ANKRD34C: variants seen among roughly 807,000 people sequenced by gnomAD.
The protein encoded by ANKRD34C is ankyrin repeat domain 34C.
For missense variants in ANKRD34C, 563 were observed against 653.0 expected (o/e 0.86, Z 1.50); for synonymous variants, 260 against 253.6 (o/e 1.03, Z -0.24).
chr15:79,282,906 A>C lies in ANKRD34C; in HGVS notation c.-367A>C, dbSNP rs1042322686. 3.3e-5 allele frequency among the ~76,000 whole-genome samples: 5 copies of C among 152,214 alleles called. No individual in the cohort carries two copies. Among genetic ancestry groups the C allele is most frequent in the Admixed American group, 6.5e-5 (1 of 15,290 alleles). ...TCTTTCATGCTTCTTTCTTTTTCTT[A>C]AAACCAAACCAAACCAAACCAAACC... is the stretch of plus-strand genomic sequence containing the variant. On this transcript the variant is annotated 5_prime_UTR_variant, in exon 1 of 2. The change abolishes the stop of an existing upstream ORF in the 5' untranslated region. Transcript: ENST00000421388.
rs1215392366 is a variant in ANKRD34C, at chr15:79,293,908, C to T, written c.624C>T (p.Asp208=). 3 of 1,551,652 alleles carry T rather than the reference C, an allele frequency of 1.9e-6. No individual in the cohort carries two copies. Among genetic ancestry groups the T allele is most frequent in the Non-Finnish European group, 2.6e-6 (3 of 1,146,970 alleles). Residue 208 remains aspartate, a synonymous_variant, in exon 2 of 2, where the codon GAC becomes GAT. Coordinates refer to ENST00000421388, the MANE Select transcript of ANKRD34C (RefSeq NM_001146341.2). ...LDSPLTEKED[D]FFSLQAGHPS... is the part of the protein sequence containing the mutation. ...CTCCACTCACTGAGAAGGAAGATGA[C>T]TTCTTCAGCCTCCAAGCAGGGCATC... is the stretch of plus-strand genomic sequence containing the variant.
At chr15:79,290,070 G>A (rs1402853009) in intron 1 of ANKRD34C, among the ~76,000 whole-genome samples, 1 of 151,912 alleles carries the variant, frequency 6.6e-6, no homozygotes, top group Non-Finnish European at 1.5e-5. Flanking sequence ...TCTCACCCAG[G>A]CTGGAGTGCA....
intron 1 of ANKRD34C, among the ~76,000 whole-genome samples, chr15:79,288,836 T>C (rs76451280): frequency 1.4e-5 from 2 of 147,784 alleles, no homozygotes; most frequent in South Asian, 4.4e-4. Context: ...TTTTTTTTTT[T>C]TGAGTTGGAG....
rs1171425038 is a variant in ANKRD34C at position 79,294,636 on chromosome 15, T to C, written c.1352T>C (p.Leu451Pro). 2 of 1,551,724 alleles carry C rather than the reference T, an allele frequency of 1.3e-6. No individual in the cohort carries two copies. Among genetic ancestry groups the C allele is most frequent in the East Asian group, 4.9e-5 (2 of 40,922 alleles). ...LLERRGSGTL[L>P]LDRISHTRPG... is the part of the protein sequence containing the mutation. ...GAACGACGAGGTTCTGGAACTCTGC[T>C]CCTTGATCGCATTTCTCACACTAGG... Residue 451 changes from leucine (L) to proline (P), a missense_variant, in exon 2 of 2, where the codon CTC (leucine) becomes CCC (proline). By Grantham distance (98) the Leu-to-Pro change is moderately conservative. Coordinates refer to ENST00000421388, the MANE Select transcript of ANKRD34C (RefSeq NM_001146341.2).
Position 79,296,813 on chromosome 15 carries a change from C to G in ANKRD34C, c.*1921C>G, listed in dbSNP as rs1457901988. 6.0e-6 allele frequency: 1 copy of G among 167,086 alleles called. No homozygotes were observed. The allele number at this position is 167,086 out of a possible 1,614,324, so 10.4% of individuals were successfully genotyped here. ...AATGTCTCTAGACGTGGCCAGATGTCTCCTGGGTGCATCACCTTCGTTGAT... is the reference window on the plus strand; with the variant it reads ...AATGTCTCTAGACGTGGCCAGATGTGTCCTGGGTGCATCACCTTCGTTGAT... On this transcript the variant is annotated 3_prime_UTR_variant, in exon 2 of 2. Transcript: ENST00000421388.
rs2058676218 is a variant in ANKRD34C at position 79,297,941 on chromosome 15, A to T, written c.*3049A>T. Reference sequence around the variant, plus strand: ...TGTGAGACTAAAGTTTAAAGTCTGGACCTTTGGTTTAATTTCTAGACTTTC... The same window carrying T: ...TGTGAGACTAAAGTTTAAAGTCTGGTCCTTTGGTTTAATTTCTAGACTTTC... On this transcript the variant is annotated 3_prime_UTR_variant, in exon 2 of 2. Transcript: ENST00000421388. The T allele has an allele frequency of 6.0e-6, 1 of 166,146 alleles. No individual in the cohort carries two copies. Among genetic ancestry groups the T allele is most frequent in the Admixed American group, 6.6e-5 (1 of 15,254 alleles). 10.3% of individuals were successfully genotyped at this position (166,146 alleles called of 1,614,324 possible). A position where few individuals can be genotyped will look rare whatever the true frequency, so the allele number is the denominator to read the frequency against.
chr15:79,292,882 T>C (rs1177604694), intron 1 of ANKRD34C, among the ~76,000 whole-genome samples: 1 of 152,258 alleles, frequency 6.6e-6, no homozygotes, highest in African/African-American at 2.4e-5. Flanking sequence ...CTAAGGAATG[T>C]AGAGTTCTAC....
rs2058663962 is a variant in ANKRD34C, at chr15:79,293,228, C to A, written c.-44-13C>A. ...AAACATATAACATTTGTTCCCTCTTCTTCCTTTGCTAGGTTTGATTGCTAC... is the reference window on the plus strand; with the variant it reads ...AAACATATAACATTTGTTCCCTCTTATTCCTTTGCTAGGTTTGATTGCTAC... On this transcript the variant is annotated splice_polypyrimidine_tract_variant and intron_variant, in intron 1 of 1. Transcript: ENST00000421388. 1.3e-5 allele frequency: 19 copies of A among 1,436,038 alleles called. No individual in the cohort carries two copies. The South Asian group carries it at 2.8e-4, about 21-fold the overall frequency. 89.0% of individuals were successfully genotyped at this position (1,436,038 alleles called of 1,614,324 possible).
intron 1 of ANKRD34C, among the ~76,000 whole-genome samples, chr15:79,291,591 CACACACACACAGAG>C (rs1243881658): frequency 1.6e-3 from 194 of 119,056 alleles, no homozygotes; most frequent in South Asian, 2.7e-3. Flanking sequence ...CACACACACA[CACACACACACAGAG>C]AGAGAGAGAG....
In ANKRD34C at chr15:79,294,583, A is replaced by C. The variant is rs2058667893; in HGVS notation, c.1299A>C (p.Ser433=). The change falls in exon 2 of 2, where the codon TCA becomes TCC. Residue 433 remains serine (S), a synonymous_variant. Transcript: ENST00000421388. ...CTGTACCTAGCACATCCCCCAGCTC[A>C]GCACGCCGCAGGCCGCCACATCTTC... is the stretch of plus-strand genomic sequence containing the variant. ...LDTVPSTSPS[S]ARRRPPHLLE... 6.4e-7 allele frequency: 1 copy of C among 1,551,588 alleles called. No individual in the cohort carries two copies. Among genetic ancestry groups the C allele is most frequent in the Non-Finnish European group, 8.7e-7 (1 of 1,146,904 alleles).
chr15:79,294,455 CCCAACT>C lies in ANKRD34C; in HGVS notation c.1175_1180del (p.Asn392_Ser393del), dbSNP rs2058667523. 2 of 1,551,708 alleles carry C rather than the reference CCCAACT, an allele frequency of 1.3e-6. No individual in the cohort carries two copies. Among genetic ancestry groups the C allele is most frequent in the African/African-American group, 1.4e-5 (1 of 73,178 alleles). ...AGATATACAGCCAGGGCCTGACCCT[CCCAACT>C]CCATTTCCCTTGAATCCGGCAAAGG... On this transcript the variant is annotated inframe_deletion, in exon 2 of 2. Coordinates refer to ENST00000421388, the MANE Select transcript of ANKRD34C (RefSeq NM_001146341.2).
In ANKRD34C at chr15:79,294,947, G is replaced by A; in HGVS notation, c.*55G>A. Reference sequence around the variant, plus strand: ...ATAGTTTATGGAAGGGACTATGGATGAGACTGCTTCCTGATCATTCCTTAA... The same window carrying A: ...ATAGTTTATGGAAGGGACTATGGATAAGACTGCTTCCTGATCATTCCTTAA... On this transcript the variant is annotated 3_prime_UTR_variant, in exon 2 of 2. Coordinates refer to ENST00000421388, the MANE Select transcript of ANKRD34C (RefSeq NM_001146341.2). The A allele has an allele frequency of 6.9e-7, 1 of 1,444,604 alleles. No homozygotes were observed. The highest frequency in any genetic ancestry group is 9.2e-7 in the Non-Finnish European group (1 of 1,091,486). 89.5% of individuals were successfully genotyped at this position (1,444,604 alleles called of 1,614,324 possible).
In ANKRD34C at chr15:79,283,966, G is replaced by A. The variant is rs910559269; in HGVS notation, c.-45+738G>A. 9 of 152,268 alleles carry A rather than the reference G, an allele frequency of 5.9e-5. No homozygotes were observed. In the East Asian group the frequency reaches 1.5e-3, roughly 26 times the overall value. 9.4% of individuals were successfully genotyped at this position (152,268 alleles called of 1,614,324 possible). On this transcript the variant is annotated intron_variant, in intron 1 of 1. Transcript: ENST00000421388. ...CTTCTAACTGCTTCCCGTGACTGCA[G>A]AAGGAAGAGGCGGAGTGTAAAGATA...
chr15:79,294,025 G>A lies in ANKRD34C; in HGVS notation c.741G>A (p.Leu247=). ...TCAAAAGGGCCCGTTTGCCTCAACT[G>A]AAGAGGCTCCAGTCTGAACCTTGGG... ...SNLKRARLPQ[L]KRLQSEPWGL... is the part of the protein sequence containing the mutation. Residue 247 remains leucine (L), a synonymous_variant, in exon 2 of 2, where the codon CTG becomes CTA. Transcript: ENST00000421388. The A allele has an allele frequency of 1.5e-5, 24 of 1,551,672 alleles. No homozygotes were observed. The highest frequency in any genetic ancestry group is 2.1e-5 in the Non-Finnish European group (24 of 1,146,982).
intron 1 of ANKRD34C, among the ~76,000 whole-genome samples, chr15:79,292,551 G>A (rs1290426433): frequency 6.6e-6 from 1 of 152,218 alleles, no homozygotes; most frequent in Non-Finnish European, 1.5e-5. Flanking sequence ...TGCTGGAAAA[G>A]TGAAGACTAC....
At chr15:79,288,157 G>T (rs1306364813) in intron 1 of ANKRD34C, among the ~76,000 whole-genome samples, 1 of 152,202 alleles carries the variant, frequency 6.6e-6, no homozygotes, top group South Asian at 2.1e-4. Flanking sequence ...CTTCCTGAAA[G>T]GGCATTTCAT....
chr15:79,284,717 C>G (rs1367181023), intron 1 of ANKRD34C, among the ~76,000 whole-genome samples: 2 of 152,086 alleles, frequency 1.3e-5, no homozygotes, highest in Non-Finnish European at 2.9e-5. Context: ...TATTGCCTAC[C>G]ATTTGATCCT....
In ANKRD34C at chr15:79,293,904, A is replaced by G. The variant is rs1054663536; in HGVS notation, c.620A>G (p.Asp207Gly). ...GLDSPLTEKE[D>G]DFFSLQAGHP... ...GACTCTCCACTCACTGAGAAGGAAG[A>G]TGACTTCTTCAGCCTCCAAGCAGGG... Residue 207 changes from aspartate (D) to glycine (G), a missense_variant, in exon 2 of 2, where the codon GAT (aspartate) becomes GGT (glycine). Coordinates refer to ENST00000421388, the MANE Select transcript of ANKRD34C (RefSeq NM_001146341.2). The G allele has an allele frequency of 6.4e-7, 1 of 1,551,550 alleles. No homozygotes were observed. Among genetic ancestry groups the G allele is most frequent in the African/African-American group, 1.4e-5 (1 of 73,036 alleles).
rs1429207880 is a variant in ANKRD34C at position 79,291,601 on chromosome 15, C to CACAG, written c.-44-1639_-44-1638insCAGA. ...ACACACACACACACACACACACACA[C>CACAG]AGAGAGAGAGAGAGAGAGAGAGAGA... On this transcript the variant is annotated intron_variant, in intron 1 of 1. Coordinates refer to ENST00000421388, the MANE Select transcript of ANKRD34C (RefSeq NM_001146341.2). Among the ~76,000 whole-genome samples the CACAG allele has an allele frequency of 8.2e-4, 69 of 83,992 alleles. 1 individual carries two copies. In the East Asian group the frequency reaches 0.01, roughly 12 times the overall value. 55.1% of individuals were successfully genotyped at this position (83,992 alleles called of 152,430 possible). A position where few individuals can be genotyped will look rare whatever the true frequency, so the allele number is the denominator to read the frequency against.
Sources: gnomAD v4.1 joint callset for allele counts (sites outside exome capture counted in the v4.1 genomes callset) on GRCh38, gnomAD v4.1.1 for gene constraint, MANE v1.5 for transcripts, NCBI Gene and HGNC (gene_info 2026-07-23, HGNC 2026-07-21) for gene names.